ALDH1L2: variants seen among roughly 807,000 people sequenced by gnomAD.
The protein encoded by ALDH1L2 is mitochondrial 10-formyltetrahydrofolate dehydrogenase.
A neutral mutation model predicts 111.0 loss-of-function variants in ALDH1L2; 91 were observed. That is an observed-to-expected ratio of 0.82 (90% CI 0.69 to 0.98). The LOEUF (loss-of-function observed/expected upper bound fraction) is 0.98. ALDH1L2 is among the 50% of genes least tolerant of loss of function. ALDH1L2 has a pLI of 0.00. For synonymous variants in ALDH1L2, 374 were observed against 392.6 expected (o/e 0.95, Z 0.56); for missense variants, 995 against 1,126.8 (o/e 0.88, Z 1.67).
intron 15 of ALDH1L2, among the ~76,000 whole-genome samples, chr12:105,043,120 A>G (rs909460755): frequency 1.3e-5 from 2 of 152,206 alleles, no homozygotes; most frequent in African/African-American, 2.4e-5. Flanking sequence ...TCATATGGTC[A>G]TGGGTCACAA....
intron 8 of ALDH1L2, 69 bp downstream of exon 8, chr12:105,061,558 A>T: frequency 6.3e-7 from 1 of 1,593,206 alleles, no homozygotes; most frequent in Non-Finnish European, 8.6e-7. Context: ...TTGAGGACTG[A>T]TGGTACCAGT....
At chr12:105,046,659 A>C (rs1875935720) in intron 15 of ALDH1L2, 51 bp downstream of exon 15, 1 of 1,488,472 alleles carries the variant, frequency 6.7e-7, no homozygotes, top group Non-Finnish European at 9.3e-7. Context: ...TTTTTGAAGT[A>C]CTGGATATAA....
In ALDH1L2 at chr12:105,071,671, TTG is replaced by T. The variant is rs57698576; in HGVS notation, c.194-869_194-868del. 2.1e-3 allele frequency among the ~76,000 whole-genome samples: 129 copies of T among 60,448 alleles called. 31 individuals carry two copies. The highest frequency in any genetic ancestry group is 3.1e-3 in the African/African-American group (50 of 16,390). The allele number at this position is 60,448 out of a possible 152,430, so 39.7% of individuals were successfully genotyped here. A position where few individuals can be genotyped will look rare whatever the true frequency, so the allele number is the denominator to read the frequency against. The stretch of plus-strand genomic sequence containing the variant: ...TTTTTTTTTTTTTTTTTTTTTTTTT[TTG>T]TGAGACGGAGTCTCGCTCTTTCGCC... On this transcript the variant is annotated intron_variant, in intron 2 of 22. Transcript: ENST00000258494.
intron 15 of ALDH1L2, among the ~76,000 whole-genome samples, chr12:105,045,286 T>C (rs1274365438): frequency 6.6e-6 from 1 of 152,164 alleles, no homozygotes; most frequent in Non-Finnish European, 1.5e-5. Context: ...GGTTTCACCA[T>C]GTTGGCCAGG....
intron 2 of ALDH1L2, among the ~76,000 whole-genome samples, chr12:105,071,176 C>T (rs554721254): frequency 8.5e-5 from 13 of 152,334 alleles, no homozygotes; most frequent in African/African-American, 3.1e-4. Context: ...AACATACTCA[C>T]CTCTGGCACA....
chr12:105,031,105 A>G (rs192487905), intron 20 of ALDH1L2, among the ~76,000 whole-genome samples: 2 of 152,060 alleles, frequency 1.3e-5, no homozygotes, highest in African/African-American at 4.8e-5. Context: ...TTGTTTCTCT[A>G]TCTCTTGTAT....
rs769694979 is a variant in ALDH1L2, at chr12:105,026,641, G to A, written c.2620C>T (p.Leu874=). The change falls in exon 22 of 23, where the codon CTG becomes TTG. Residue 874 remains leucine, a synonymous_variant. Transcript: ENST00000258494. The stretch of plus-strand genomic sequence containing the variant: ...TTAATAAAAACAGTTCCTGCTTCCA[G>A]TTTTTCACTCACATACATAGCTTTG... ...INKAMYVSEK[L]EAGTVFINTY... 4.2e-5 allele frequency: 67 copies of A among 1,614,006 alleles called. No homozygotes were observed. Among genetic ancestry groups the A allele is most frequent in the Non-Finnish European group, 5.5e-5 (65 of 1,180,012 alleles).
intron 2 of ALDH1L2, 46 bp downstream of exon 2, chr12:105,073,815 T>C (rs1051157117): frequency 6.2e-7 from 1 of 1,611,310 alleles, no homozygotes; most frequent in African/African-American, 1.3e-5. Flanking sequence ...CCAGCATTGG[T>C]AAGGACCTGA....
intron 8 of ALDH1L2, 108 bp from the exon 9 acceptor site, chr12:105,061,180 C>G (rs1344971903): frequency 2.0e-5 from 18 of 915,020 alleles, no homozygotes; most frequent in Middle Eastern, 2.9e-4. Flanking sequence ...GTACACTCAG[C>G]TGTACATACA....
At chr12:105,032,560 C>T (rs1182804573) in intron 19 of ALDH1L2, among the ~76,000 whole-genome samples, 1 of 152,118 alleles carries the variant, frequency 6.6e-6, no homozygotes, top group East Asian at 1.9e-4. Flanking sequence ...CTTCTAAGCT[C>T]AAGTGATCCT....
At chr12:105,052,014 C>T (rs927452665) in intron 12 of ALDH1L2, 76 bp downstream of exon 12, 52 of 1,295,630 alleles carry the variant, frequency 4.0e-5, no homozygotes, top group Middle Eastern at 2.8e-4. Context: ...TTGAGACCAG[C>T]CTGGCCAACG....
chr12:105,077,087 A>G (rs898218417), intron 1 of ALDH1L2, among the ~76,000 whole-genome samples: 17 of 152,338 alleles, frequency 1.1e-4, no homozygotes, highest in Middle Eastern at 6.8e-3. Context: ...TGACAGGTCA[A>G]TTGGGAATAG....
chr12:105,063,214 C>T (rs140933585), intron 6 of ALDH1L2, among the ~76,000 whole-genome samples, 192 bp from the exon 7 acceptor site: 17 of 152,324 alleles, frequency 1.1e-4, no homozygotes, highest in Admixed American at 1.0e-3. Context: ...CAGTGGCTCA[C>T]GCCTGTAATC....
At chr12:105,037,990 C>T in intron 18 of ALDH1L2, 113 bp downstream of exon 18, 1 of 771,636 alleles carries the variant, frequency 1.3e-6, no homozygotes, top group Non-Finnish European at 2.1e-6. Context: ...TCGTCTTGAA[C>T]TCCTGATCTC....
intron 1 of ALDH1L2, among the ~76,000 whole-genome samples, chr12:105,074,385 G>A (rs1384849657): frequency 7.0e-6 from 1 of 143,386 alleles, no homozygotes; most frequent in African/African-American, 2.7e-5. Flanking sequence ...TTGAACCCGG[G>A]AGGCAGAGGT....
At chr12:105,071,650 T>A (rs1385308549) in intron 2 of ALDH1L2, among the ~76,000 whole-genome samples, 73 of 35,400 alleles carry the variant, frequency 2.1e-3, no homozygotes, top group Non-Finnish European at 2.6e-3. Context: ...ATATTTTTTT[T>A]TTTTTTTTTT....
intron 20 of ALDH1L2, among the ~76,000 whole-genome samples, chr12:105,030,820 C>A (rs1044167289): frequency 6.6e-6 from 1 of 152,150 alleles, no homozygotes; most frequent in South Asian, 2.1e-4. Context: ...TCATGCTTAA[C>A]AAAATTAGTA....
intron 22 of ALDH1L2, among the ~76,000 whole-genome samples, 189 bp downstream of exon 22, chr12:105,026,356 C>T (rs781214065): frequency 6.6e-6 from 1 of 152,132 alleles, no homozygotes; most frequent in South Asian, 2.1e-4. Context: ...AATGTGTGTA[C>T]TTTTCTGTAT....
chr12:105,047,635 A>G (rs1689073397), intron 13 of ALDH1L2: 1 of 152,288 alleles, frequency 6.6e-6, no homozygotes, highest in African/African-American at 2.4e-5. Context: ...AAAAACAGGA[A>G]TAAGTTGGCT....
Sources: allele counts gnomAD v4.1 joint callset (sites outside exome capture counted in the v4.1 genomes callset), GRCh38; gene constraint gnomAD v4.1.1; transcripts MANE v1.5; gene names NCBI Gene and HGNC (gene_info 2026-07-23, HGNC 2026-07-21).